Variants in NXPH1 observed in about 807,000 individuals in gnomAD.
NXPH1 encodes neurexophilin 1.
Under a neutral mutation model 23.7 loss-of-function variants are expected in NXPH1, and 5 were observed. That is an observed-to-expected ratio of 0.21 (90% CI 0.11 to 0.44). The LOEUF is 0.44. Among genes scored for constraint, NXPH1 ranks in the 20% least tolerant of loss-of-function variants. The pLI, the probability that NXPH1 is intolerant of heterozygous loss-of-function variation, is 0.99. For missense variants in NXPH1, 324 were observed against 321.6 expected, an observed-to-expected ratio of 1.01 and a Z score of -0.06; for synonymous variants, 144 against 122.2, an observed-to-expected ratio of 1.18 and a Z score of -1.18.
chr7:8,522,364 C>A (rs1446807321), intron 2 of NXPH1, among the ~76,000 whole-genome samples: 1 of 152,150 alleles, frequency 6.6e-6, no homozygotes, highest in Non-Finnish European at 1.5e-5. Flanking sequence ...AGCATTGAGG[C>A]CTGTAAATCA....
At chr7:8,730,519 C>A (rs1052894737) in intron 2 of NXPH1, among the ~76,000 whole-genome samples, 9 of 151,926 alleles carry the variant, frequency 5.9e-5, no homozygotes, top group African/African-American at 1.7e-4. Flanking sequence ...TTCAGGAGCT[C>A]TTTTAGGGCA....
At chr7:8,632,461 G>A (rs1460860973) in intron 2 of NXPH1, among the ~76,000 whole-genome samples, 2 of 152,036 alleles carry the variant, frequency 1.3e-5, no homozygotes, top group African/African-American at 4.8e-5. Flanking sequence ...TGACTACTTC[G>A]AGGGTTGCTT....
At chr7:8,473,800 A>G (rs1192204758) in intron 2 of NXPH1, among the ~76,000 whole-genome samples, 2 of 151,810 alleles carry the variant, frequency 1.3e-5, no homozygotes, top group Non-Finnish European at 2.9e-5. Context: ...TAGACCTTCC[A>G]TTTAGTTAAT....
At chr7:8,676,523 C>G (rs1820955820) in intron 2 of NXPH1, among the ~76,000 whole-genome samples, 1 of 152,096 alleles carries the variant, frequency 6.6e-6, no homozygotes, top group Admixed American at 6.5e-5. Flanking sequence ...GTCACTTTGT[C>G]TAGCAAAGTG....
intron 2 of NXPH1, among the ~76,000 whole-genome samples, chr7:8,568,028 A>G (rs1340516355): frequency 6.6e-6 from 1 of 151,860 alleles, no homozygotes; most frequent in African/African-American, 2.4e-5. Context: ...TTGCAGGGCG[A>G]GTCTTTTTTC....
chr7:8,639,451 A>G (rs1820271781), intron 2 of NXPH1, among the ~76,000 whole-genome samples: 1 of 151,366 alleles, frequency 6.6e-6, no homozygotes. Context: ...CATAGCTACC[A>G]TCGGTGTAAA....
intron 2 of NXPH1, among the ~76,000 whole-genome samples, chr7:8,746,669 A>G (rs982299441): frequency 6.6e-6 from 1 of 152,172 alleles, no homozygotes; most frequent in African/African-American, 2.4e-5. Context: ...AAATTTAAAA[A>G]ATTATTTTAT....
chr7:8,568,548 T>G (rs1472632980), intron 2 of NXPH1, among the ~76,000 whole-genome samples: 1 of 151,776 alleles, frequency 6.6e-6, no homozygotes, highest in Non-Finnish European at 1.5e-5. Flanking sequence ...GGTTCTGTTA[T>G]TTTGTATGTG....
chr7:8,685,651 A>G (rs950332563), intron 2 of NXPH1, among the ~76,000 whole-genome samples: 3 of 152,046 alleles, frequency 2.0e-5, no homozygotes, highest in Non-Finnish European at 4.4e-5. Context: ...ATCATATGGT[A>G]GCTCAAATTT....
At chr7:8,729,988 G>C (rs538988283) in intron 2 of NXPH1, among the ~76,000 whole-genome samples, 1 of 151,636 alleles carries the variant, frequency 6.6e-6, no homozygotes, top group Non-Finnish European at 1.5e-5. Context: ...TCTCTTTGTA[G>C]GTCACTCAGG....
At chr7:8,553,656 C>G (rs983080181) in intron 2 of NXPH1, among the ~76,000 whole-genome samples, 2 of 151,512 alleles carry the variant, frequency 1.3e-5, no homozygotes, top group African/African-American at 2.4e-5. Flanking sequence ...TTTCATCTAT[C>G]CACCCAATAC....
At chr7:8,475,685 G>C (rs112695049) in intron 2 of NXPH1, among the ~76,000 whole-genome samples, 1 of 151,972 alleles carries the variant, frequency 6.6e-6, no homozygotes, top group African/African-American at 2.4e-5. Context: ...CCCCTTTCAG[G>C]ATATTAATGC....
At chr7:8,553,989 T>C (rs1365130637) in intron 2 of NXPH1, among the ~76,000 whole-genome samples, 1 of 151,572 alleles carries the variant, frequency 6.6e-6, no homozygotes, top group Non-Finnish European at 1.5e-5. Flanking sequence ...TGGAATTTAG[T>C]ATTGAATCTC....
chr7:8,605,911 C>T (rs368866115), intron 2 of NXPH1, among the ~76,000 whole-genome samples: 14 of 152,220 alleles, frequency 9.2e-5, no homozygotes, highest in African/African-American at 2.2e-4. Context: ...AGTTGTTATA[C>T]ATCTTTGTTA....
chr7:8,624,689 A>G (rs915546287), intron 2 of NXPH1, among the ~76,000 whole-genome samples: 7 of 152,194 alleles, frequency 4.6e-5, no homozygotes, highest in African/African-American at 1.4e-4. Context: ...AAGTAAAGAT[A>G]AAGAGAACAG....
intron 2 of NXPH1, among the ~76,000 whole-genome samples, chr7:8,684,239 C>T (rs770890722): frequency 1.1e-4 from 16 of 152,132 alleles, no homozygotes; most frequent in South Asian, 1.0e-3. Flanking sequence ...TATTCCTGCC[C>T]GTGAGGCACC....
At chr7:8,642,934 G>A (rs189109536) in intron 2 of NXPH1, among the ~76,000 whole-genome samples, 116 of 151,332 alleles carry the variant, frequency 7.7e-4, no homozygotes, top group African/African-American at 2.5e-3. Context: ...GCCCAATCTC[G>A]GTTCACCACA....
chr7:8,480,241 G>A (rs895739634), intron 2 of NXPH1, among the ~76,000 whole-genome samples: 1 of 151,950 alleles, frequency 6.6e-6, no homozygotes, highest in Non-Finnish European at 1.5e-5. Context: ...TTCTGTATTT[G>A]TTTTATTTAT....
At chr7:8,548,762 A>G (rs1408609305) in intron 2 of NXPH1, among the ~76,000 whole-genome samples, 1 of 151,460 alleles carries the variant, frequency 6.6e-6, no homozygotes, top group Non-Finnish European at 1.5e-5. Flanking sequence ...CATATTCACT[A>G]TCTGTTAAGC....
Sources: gnomAD v4.1 joint callset for allele counts (sites outside exome capture counted in the v4.1 genomes callset) on GRCh38, gnomAD v4.1.1 for gene constraint, MANE v1.5 for transcripts, NCBI Gene and HGNC (gene_info 2026-07-23, HGNC 2026-07-21) for gene names.